The following CHMP3 variants were observed in gnomAD, a reference collection of about 807,000 sequenced individuals.
CHMP3 encodes the protein 25.1 protein.
CHMP3 carries 8 observed loss-of-function variants against 27.4 expected under a neutral mutation model. That is an observed-to-expected ratio of 0.29 (90% CI 0.17 to 0.53). CHMP3 has a LOEUF of 0.53. CHMP3 is among the 20% of genes least tolerant of loss of function. The pLI is 0.96. For synonymous variants in CHMP3, 86 were observed against 85.5 expected (o/e 1.01, Z -0.03); for missense variants, 208 against 271.5 (o/e 0.77, Z 1.64).
chr2:86,543,956 A>C (rs1254741721), intron 1 of CHMP3, among the ~76,000 whole-genome samples: 1 of 152,124 alleles, frequency 6.6e-6, no homozygotes, highest in African/African-American at 2.4e-5. Flanking sequence ...CCTTTAAATA[A>C]TCTCTTCCTA....
intron 3 of CHMP3, among the ~76,000 whole-genome samples, chr2:86,523,824 A>G (rs1675606266): frequency 6.6e-6 from 1 of 152,240 alleles, no homozygotes; most frequent in Non-Finnish European, 1.5e-5. Flanking sequence ...TGTCATTAAC[A>G]AAAGACAATA....
rs377602911 is a variant in CHMP3, at chr2:86,529,301, A to T, written c.203T>A (p.Ile68Asn). 3.0e-5 allele frequency: 48 copies of T among 1,613,568 alleles called. No homozygotes were observed. In the East Asian group the frequency reaches 3.8e-4, roughly 13 times the overall value. Residue 68 changes from isoleucine to asparagine, a missense_variant, in exon 3 of 6, where the codon ATC becomes AAC. Transcript: ENST00000263856. ...CTTGCTCACAGCCTTCCTTGACCTG[A>T]TCATCTCCTTGGCCAGAACTATGCA... ...DVCIVLAKEM[I>N]RSRKAVSKLY...
chr2:86,562,295 G>C (rs1290095685), intron 1 of CHMP3: 1 of 151,976 alleles, frequency 6.6e-6, no homozygotes, highest in Non-Finnish European at 1.5e-5. Flanking sequence ...TTCCATTATG[G>C]ACAAGCCTAG....
At chr2:86,506,043 A>G (rs1206674323) in intron 5 of CHMP3, 94 bp from the exon 6 acceptor site, 2 of 1,358,616 alleles carry the variant, frequency 1.5e-6, no homozygotes, top group Non-Finnish European at 1.9e-6. Context: ...ATCTGACCAG[A>G]TACAAAAATG....
chr2:86,520,326 T>C (rs1382080888), intron 3 of CHMP3, among the ~76,000 whole-genome samples: 4 of 151,970 alleles, frequency 2.6e-5, no homozygotes, highest in Non-Finnish European at 5.9e-5. Context: ...ACTTACACCA[T>C]GGTGGAAGGC....
chr2:86,521,353 C>T (rs1675516711), intron 3 of CHMP3, among the ~76,000 whole-genome samples: 1 of 152,192 alleles, frequency 6.6e-6, no homozygotes. Flanking sequence ...CACGATAGCT[C>T]AGCACTCACA....
At chr2:86,507,808 G>A (rs1450272569) in intron 4 of CHMP3, among the ~76,000 whole-genome samples, 3 of 152,166 alleles carry the variant, frequency 2.0e-5, no homozygotes, top group Non-Finnish European at 2.9e-5. Flanking sequence ...TAACACCCTA[G>A]GGGTGGGGAG....
Position 86,509,304 on chromosome 2 carries a change from C to T in CHMP3, c.408+1054G>A, listed in dbSNP as rs577271003. Among the ~76,000 whole-genome samples, 3 of 152,294 alleles carry T rather than the reference C, an allele frequency of 2.0e-5. No individual in the cohort carries two copies. In the South Asian group the frequency reaches 6.2e-4, roughly 32 times the overall value. On this transcript the variant is annotated intron_variant, in intron 4 of 5. Coordinates refer to ENST00000263856, the MANE Select transcript of CHMP3 (RefSeq NM_016079.4). ...TGAACAGTGATCACCAACTTGGGGGCAAGACACCTACATGCTATTTGTAAA... is the reference window on the plus strand; with the variant it reads ...TGAACAGTGATCACCAACTTGGGGGTAAGACACCTACATGCTATTTGTAAA...
chr2:86,507,853 T>C (rs1225381021), intron 4 of CHMP3, among the ~76,000 whole-genome samples: 1 of 152,184 alleles, frequency 6.6e-6, no homozygotes, highest in Non-Finnish European at 1.5e-5. Context: ...CTTCCTAAAG[T>C]AACCCAGACT....
At chr2:86,545,550 C>T (rs375311830) in intron 1 of CHMP3, among the ~76,000 whole-genome samples, 8 of 109,490 alleles carry the variant, frequency 7.3e-5, no homozygotes, top group African/African-American at 1.1e-4. Flanking sequence ...GGGCGACTGC[C>T]GGGCAGAGGC....
intron 2 of CHMP3, among the ~76,000 whole-genome samples, chr2:86,530,283 G>T (rs948028735): frequency 6.6e-6 from 1 of 151,942 alleles, no homozygotes; most frequent in Admixed American, 6.6e-5. Flanking sequence ...ATGAGCCACC[G>T]CACCTGGCCC....
chr2:86,532,329 T>C (rs963059280), intron 2 of CHMP3, among the ~76,000 whole-genome samples: 8 of 152,192 alleles, frequency 5.3e-5, no homozygotes, highest in African/African-American at 1.7e-4. Flanking sequence ...TTAGTTCTAA[T>C]AGGTCTTTTT....
Sources: allele counts gnomAD v4.1 joint callset (sites outside exome capture counted in the v4.1 genomes callset), GRCh38; gene constraint gnomAD v4.1.1; transcripts MANE v1.5; gene names NCBI Gene and HGNC (gene_info 2026-07-23, HGNC 2026-07-21).